TCF3: variants seen among roughly 807,000 people sequenced by gnomAD.
The protein encoded by TCF3 is transcription factor 3.
Under a neutral mutation model 72.3 loss-of-function variants are expected in TCF3, and 54 were observed. The ratio of observed to expected loss-of-function variants is 0.75; its 90% CI spans 0.60 to 0.94. The LOEUF is 0.94. TCF3 is among the 40% of genes least tolerant of loss of function. The pLI is 0.00. For synonymous variants in TCF3, 525 were observed against 412.6 expected, an observed-to-expected ratio of 1.27 and a Z score of -3.30; for missense variants, 1,078 against 934.4, an observed-to-expected ratio of 1.15 and a Z score of -2.00.
At chr19:1,630,358 C>T (rs747202053) in intron 5 of TCF3, among the ~76,000 whole-genome samples, 2 of 152,302 alleles carry the variant, frequency 1.3e-5, no homozygotes, top group Admixed American at 6.5e-5. Context: ...TCACGCTATT[C>T]GCTTCCTACT....
intron 3 of TCF3, among the ~76,000 whole-genome samples, chr19:1,637,720 C>T (rs909681951): frequency 6.6e-6 from 1 of 152,150 alleles, no homozygotes; most frequent in Non-Finnish European, 1.5e-5. Flanking sequence ...CCATGCTGGC[C>T]AACAGGGTGA....
Position 1,615,190 on chromosome 19 carries a change from T to C in TCF3, c.1822+95A>G. On this transcript the variant is annotated intron_variant, in intron 18 of 18. Coordinates refer to ENST00000262965, the MANE Select transcript of TCF3 (RefSeq NM_003200.5). This position sits in a 1 kb window ranked among gnomAD's most constrained non-coding sequence, Gnocchi z 7.3. Reference sequence around the variant, plus strand: ...GAGGCAACTGCTGCAGAGGGAGGGCTGGCTCCAGGAAGGCGGGCGGGGAAG... The same window carrying C: ...GAGGCAACTGCTGCAGAGGGAGGGCCGGCTCCAGGAAGGCGGGCGGGGAAG... 7.0e-7 allele frequency: 1 copy of C among 1,434,272 alleles called. No homozygotes were observed. The highest frequency in any genetic ancestry group is 9.3e-7 in the Non-Finnish European group (1 of 1,080,392). 88.8% of individuals were successfully genotyped at this position (1,434,272 alleles called of 1,614,324 possible). A position where few individuals can be genotyped will look rare whatever the true frequency, so the allele number is the denominator to read the frequency against.
intron 2 of TCF3, among the ~76,000 whole-genome samples, chr19:1,649,783 G>GT (rs1351199916): frequency 6.6e-6 from 1 of 152,150 alleles, no homozygotes; most frequent in Admixed American, 6.5e-5. Context: ...CTGGAGTGCA[G>GT]TGATCTTTTA....
chr19:1,647,717 T>C (rs904625281), intron 2 of TCF3, among the ~76,000 whole-genome samples: 15 of 152,206 alleles, frequency 9.9e-5, no homozygotes, highest in African/African-American at 3.4e-4. Context: ...ACTGCATTTC[T>C]ATCTGCTTTG....
At chr19:1,651,678 C>G (rs1243412137) in intron 1 of TCF3, among the ~76,000 whole-genome samples, 1 of 151,956 alleles carries the variant, frequency 6.6e-6, no homozygotes, top group African/African-American at 2.4e-5. Context: ...GGAGGCGGCC[C>G]GGGAAGCCGG....
In TCF3 at chr19:1,652,449, A is replaced by AC. The variant is rs1457453984; in HGVS notation, c.-190dup. 2 of 100,108 alleles carry AC rather than the reference A, an allele frequency of 2.0e-5. No homozygotes were observed. Among genetic ancestry groups the AC allele is most frequent in the Admixed American group, 1.9e-4 (2 of 10,430 alleles). The allele number at this position is 100,108 out of a possible 1,614,324, so 6.2% of individuals were successfully genotyped here. On this transcript the variant is annotated 5_prime_UTR_variant, in exon 1 of 19. Transcript: ENST00000262965. ...GGCGCGCGTGGCCCGGGCCCCTCCC[A>AC]CCCCCGCGTGGCCCGTCCCGCGGGG...
Position 1,615,199 on chromosome 19 carries a change from G to A in TCF3, c.1822+86C>T. ...GCTGCAGAGGGAGGGCTGGCTCCAG[G>A]AAGGCGGGCGGGGAAGGAGAACGAG... On this transcript the variant is annotated intron_variant, in intron 18 of 18. Transcript: ENST00000262965. This position sits in a 1 kb window ranked among gnomAD's most constrained non-coding sequence, Gnocchi z 7.3. The A allele has an allele frequency of 2.0e-6, 3 of 1,469,258 alleles. No homozygotes were observed. The highest frequency in any genetic ancestry group is 2.7e-6 in the Non-Finnish European group (3 of 1,107,982). The allele number at this position is 1,469,258 out of a possible 1,614,324, so 91.0% of individuals were successfully genotyped here. A position where few individuals can be genotyped will look rare whatever the true frequency, so the allele number is the denominator to read the frequency against.
At chr19:1,627,325 C>A in intron 6 of TCF3, 34 bp downstream of exon 6, 1 of 1,567,026 alleles carries the variant, frequency 6.4e-7, no homozygotes, top group African/African-American at 1.4e-5. Flanking sequence ...TGTTTAAAAT[C>A]AAAATACACC....
intron 5 of TCF3, among the ~76,000 whole-genome samples, chr19:1,629,609 T>C (rs1206095491): frequency 6.6e-6 from 1 of 151,920 alleles, no homozygotes; most frequent in Non-Finnish European, 1.5e-5. Flanking sequence ...GTGGAGGGCC[T>C]GGGGCTGATG....
intron 8 of TCF3, among the ~76,000 whole-genome samples, chr19:1,623,184 C>A (rs2062458920): frequency 6.6e-6 from 1 of 152,028 alleles, no homozygotes; most frequent in Admixed American, 6.6e-5. Flanking sequence ...TTGGGGCCAG[C>A]ACAGGCACTG....
intron 2 of TCF3, among the ~76,000 whole-genome samples, chr19:1,647,211 G>T (rs962064643): frequency 6.6e-6 from 1 of 150,460 alleles, no homozygotes; most frequent in East Asian, 2.0e-4. Flanking sequence ...AAAGATTAAC[G>T]GGCTCAGCGG....
intron 3 of TCF3, among the ~76,000 whole-genome samples, chr19:1,634,627 C>A (rs2064154942): frequency 6.6e-6 from 1 of 152,206 alleles, no homozygotes; most frequent in African/African-American, 2.4e-5. Flanking sequence ...CAGTCCCGGT[C>A]CCTGTTGGGT....
At position 1,621,276 on chromosome 19, in the gene TCF3, C is replaced by A. The variant is rs982613105; in HGVS notation, c.956-85G>T. 11 of 1,441,148 alleles carry A rather than the reference C, an allele frequency of 7.6e-6. No individual in the cohort carries two copies. In the Admixed American group the frequency reaches 2.3e-4, roughly 30 times the overall value. 89.3% of individuals were successfully genotyped at this position (1,441,148 alleles called of 1,614,324 possible). A position where few individuals can be genotyped will look rare whatever the true frequency, so the allele number is the denominator to read the frequency against. On this transcript the variant is annotated intron_variant, in intron 11 of 18. Coordinates refer to ENST00000262965, the MANE Select transcript of TCF3 (RefSeq NM_003200.5). ...AGCTCTCCTGCGTTCTGCCGTCCTG[C>A]ACAGACACTGCTGCGCCAGGGAGAG...
At chr19:1,642,693 G>A (rs1343122155) in intron 3 of TCF3, among the ~76,000 whole-genome samples, 3 of 152,102 alleles carry the variant, frequency 2.0e-5, no homozygotes, top group Non-Finnish European at 2.9e-5. Context: ...GGCTGGTCTC[G>A]AACACCTAGT....
At chr19:1,639,567 C>T (rs1334320497) in intron 3 of TCF3, among the ~76,000 whole-genome samples, 1 of 152,074 alleles carries the variant, frequency 6.6e-6, no homozygotes, top group Admixed American at 6.6e-5. Context: ...CCCTCAAGTA[C>T]TCACAAAGAA....
At position 1,615,489 on chromosome 19, in the gene TCF3, G is replaced by T. The variant is rs778885981; in HGVS notation, c.1618C>A (p.Pro540Thr). Residue 540 changes from proline (P) to threonine (T), a missense_variant, in exon 18 of 19, where the codon CCA becomes ACA. Transcript: ENST00000262965. This position sits in a 1 kb window ranked among gnomAD's most constrained non-coding sequence, Gnocchi z 7.3. ...TTCTCCCGCTCGGCCTTCTGCTCTG[G>T]GGGGAGAAGGTCGTCCTCGTCCTCG... ...PDEDEDDLLP[P>T]EQKAEREKER... The T allele has an allele frequency of 6.2e-6, 10 of 1,610,654 alleles. No homozygotes were observed. Among genetic ancestry groups the T allele is most frequent in the Non-Finnish European group, 8.5e-6 (10 of 1,179,860 alleles).
rs2302418 is a variant in TCF3, at chr19:1,646,214, G to A, written c.145+141C>T. On this transcript the variant is annotated intron_variant, in intron 3 of 18. Coordinates refer to ENST00000262965, the MANE Select transcript of TCF3 (RefSeq NM_003200.5). ...GCTGATTTCAGGGGTCTTCAGGCTC[G>A]CTGCCCCCGACCCGGCCTGTGTGGC... is the stretch of plus-strand genomic sequence containing the variant. 11,838 of 910,150 alleles carry A rather than the reference G, an allele frequency of 0.013. 716 individuals carry two copies. The highest frequency in any genetic ancestry group is 0.13 in the East Asian group (4,437 of 34,448). The allele number at this position is 910,150 out of a possible 1,614,324, so 56.4% of individuals were successfully genotyped here.
intron 5 of TCF3, 40 bp from the exon 6 acceptor site, chr19:1,627,466 A>G: frequency 1.2e-6 from 2 of 1,600,144 alleles, no homozygotes; most frequent in Non-Finnish European, 8.5e-7. Flanking sequence ...GGCGACCCCA[A>G]GGAACATCCT....
chr19:1,622,885 GCT>G (rs2062420037), intron 8 of TCF3, among the ~76,000 whole-genome samples: 1 of 152,206 alleles, frequency 6.6e-6, no homozygotes, highest in Non-Finnish European at 1.5e-5. Context: ...AGTAGCGCCA[GCT>G]CTGACTGGTT....
Sources: gnomAD v4.1 joint callset for allele counts (sites outside exome capture counted in the v4.1 genomes callset) on GRCh38, gnomAD v4.1.1 for gene constraint, Gnocchi (gnomAD v3.1) non-coding constraint, MANE v1.5 for transcripts, NCBI Gene and HGNC (gene_info 2026-07-23, HGNC 2026-07-21) for gene names.